ADGRA2: variants seen among roughly 807,000 people sequenced by gnomAD.
ADGRA2 encodes the protein adhesion G protein-coupled receptor A2.
ADGRA2 carries 61 observed loss-of-function variants against 98.7 expected under a neutral mutation model. That is an observed-to-expected ratio of 0.62 (90% CI 0.50 to 0.76). The LOEUF (loss-of-function observed/expected upper bound fraction) is 0.76. Ranked by LOEUF, ADGRA2 falls within the 30% of genes least tolerant of loss-of-function variation. The pLI, the probability that ADGRA2 is intolerant of heterozygous loss-of-function variation, is 0.00. For missense variants in ADGRA2, 1,712 were observed against 1,860.0 expected (o/e 0.92, Z 1.46); for synonymous variants, 858 against 831.5 (o/e 1.03, Z -0.55).
At chr8:37,809,790 A>G (rs544144646) in intron 1 of ADGRA2, among the ~76,000 whole-genome samples, 1 of 152,186 alleles carries the variant, frequency 6.6e-6, no homozygotes, top group Non-Finnish European at 1.5e-5. Context: ...CAGCACACAC[A>G]GAGGCTGCCT....
At chr8:37,801,302 C>T (rs1239191365) in intron 1 of ADGRA2, among the ~76,000 whole-genome samples, 5 of 152,208 alleles carry the variant, frequency 3.3e-5, no homozygotes, top group Non-Finnish European at 7.3e-5. Flanking sequence ...CCCCACCCCC[C>T]AGGCTCCCAG....
chr8:37,840,386 G>C, intron 17 of ADGRA2, 120 bp downstream of exon 17: 1 of 1,092,832 alleles, frequency 9.2e-7, no homozygotes, highest in Non-Finnish European at 1.4e-6. Context: ...TCCAAAGACG[G>C]GGGAGGCTAG....
intron 4 of ADGRA2, 21 bp downstream of exon 4, chr8:37,829,353 TGGGGAGGGGA>T: frequency 6.2e-7 from 1 of 1,605,080 alleles, no homozygotes; most frequent in Non-Finnish European, 8.5e-7. Flanking sequence ...GGGTGAGAAG[TGGGGAGGGGA>T]GGAGAGGGAA....
At chr8:37,836,324 T>C (rs1805614590) in intron 13 of ADGRA2, among the ~76,000 whole-genome samples, 1 of 152,088 alleles carries the variant, frequency 6.6e-6, no homozygotes, top group Non-Finnish European at 1.5e-5. Flanking sequence ...GCAACATGGC[T>C]CCAGCTGTCA....
intron 1 of ADGRA2, among the ~76,000 whole-genome samples, chr8:37,804,126 C>CACACACACACACAT (rs1554522454): frequency 1.0e-4 from 15 of 150,126 alleles, no homozygotes; most frequent in East Asian, 6.0e-4. Context: ...CACACACACA[C>CACACACACACACAT]ACACACACAC....
chr8:37,799,289 C>T (rs750634959), intron 1 of ADGRA2, among the ~76,000 whole-genome samples: 9 of 151,780 alleles, frequency 5.9e-5, no homozygotes, highest in Non-Finnish European at 8.8e-5. Context: ...GCAGGAGAAT[C>T]GCTTGAACCC....
intron 1 of ADGRA2, among the ~76,000 whole-genome samples, chr8:37,799,578 A>G (rs1380888991): frequency 6.6e-6 from 1 of 152,094 alleles, no homozygotes; most frequent in Non-Finnish European, 1.5e-5. Context: ...TAGAATGATC[A>G]GGCCATGGTT....
chr8:37,837,532 C>T lies in ADGRA2; in HGVS notation c.2051-199C>T, dbSNP rs1023724853. Among the ~76,000 whole-genome samples the T allele has an allele frequency of 5.3e-5, 8 of 152,354 alleles. No individual in the cohort carries two copies. The East Asian group carries it at 9.6e-4, about 18-fold the overall frequency. On this transcript the variant is annotated intron_variant, in intron 13 of 18. Coordinates refer to ENST00000412232, the MANE Select transcript of ADGRA2 (RefSeq NM_032777.10). ...AGGGCTCACATTTTCCACCATCATC[C>T]GCACCCACCCCCTCCAGGGTCCCCC... is the stretch of plus-strand genomic sequence containing the variant.
intron 9 of ADGRA2, 70 bp downstream of exon 9, chr8:37,833,278 G>A (rs978475182): frequency 4.0e-5 from 50 of 1,246,874 alleles, no homozygotes; most frequent in African/African-American, 2.1e-4. Flanking sequence ...CCAACCTAAC[G>A]GGCAAGGGGA....
rs1028062770 is a variant in ADGRA2 at position 37,823,082 on chromosome 8, G to A, written c.339-5806G>A. On this transcript the variant is annotated intron_variant, in intron 2 of 18. Coordinates refer to ENST00000412232, the MANE Select transcript of ADGRA2 (RefSeq NM_032777.10). ...AATTTTTGTATTTTTAAGTAGTGACGGGGTTTCACCATGTTGGTCAGGCTG... is the reference window on the plus strand; with the variant it reads ...AATTTTTGTATTTTTAAGTAGTGACAGGGTTTCACCATGTTGGTCAGGCTG... Among the ~76,000 whole-genome samples, 5 of 151,718 alleles carry A rather than the reference G, an allele frequency of 3.3e-5. No homozygotes were observed. The East Asian group carries it at 5.8e-4, about 18-fold the overall frequency.
intron 2 of ADGRA2, among the ~76,000 whole-genome samples, chr8:37,815,537 C>T (rs942186040): frequency 6.6e-6 from 1 of 152,212 alleles, no homozygotes; most frequent in Non-Finnish European, 1.5e-5. Flanking sequence ...TCCCCGCTAG[C>T]CGGCTGGAAC....
At chr8:37,821,008 A>T (rs1805110806) in intron 2 of ADGRA2, among the ~76,000 whole-genome samples, 1 of 152,072 alleles carries the variant, frequency 6.6e-6, no homozygotes, top group African/African-American at 2.4e-5. Flanking sequence ...CCCTGCAGAA[A>T]CACCTCCTGG....
rs774956859 is a variant in ADGRA2 at position 37,834,113 on chromosome 8, C to T, written c.1593C>T (p.Ala531=). The T allele has an allele frequency of 2.5e-6, 4 of 1,611,488 alleles. No homozygotes were observed. In the South Asian group the frequency reaches 4.4e-5, roughly 18 times the overall value. ...RIGGAALSPH[A]QHISVNARNV... Reference sequence around the variant, plus strand: ...GGGGGGCCGCCCTCAGCCCCCATGCCCAGCACATCTCAGTGGTAATGGGGG... The same window carrying T: ...GGGGGGCCGCCCTCAGCCCCCATGCTCAGCACATCTCAGTGGTAATGGGGG... The change falls in exon 11 of 19, where the codon GCC becomes GCT. Residue 531 remains alanine, a synonymous_variant. Transcript: ENST00000412232. This position sits in a 1 kb window ranked among gnomAD's most constrained non-coding sequence, Gnocchi z 4.2.
chr8:37,841,922 C>G lies in ADGRA2; in HGVS notation c.3584C>G (p.Ala1195Gly). Reference protein sequence around the residue: ...SRAKGHRAGEACGKNRLKALR... With the variant: ...SRAKGHRAGEGCGKNRLKALR... Reference sequence around the variant, plus strand: ...GCCAAGGGACACCGCGCGGGGGAGGCCTGCGGCAAGAACCGGCTCAAGGCC... The same window carrying G: ...GCCAAGGGACACCGCGCGGGGGAGGGCTGCGGCAAGAACCGGCTCAAGGCC... The change falls in exon 19 of 19, where the codon GCC (alanine) becomes GGC (glycine). Residue 1195 changes from alanine (A) to glycine (G), a missense_variant. Transcript: ENST00000412232. The surrounding 1 kb of genome is among the most constrained non-coding windows in gnomAD (Gnocchi z 5.0). The G allele has an allele frequency of 3.3e-6, 5 of 1,524,176 alleles. No homozygotes were observed. The highest frequency in any genetic ancestry group is 4.4e-6 in the Non-Finnish European group (5 of 1,143,016). 94.4% of individuals were successfully genotyped at this position (1,524,176 alleles called of 1,614,324 possible). A position where few individuals can be genotyped will look rare whatever the true frequency, so the allele number is the denominator to read the frequency against.
At position 37,841,151 on chromosome 8, in the gene ADGRA2, TCAC is replaced by T; in HGVS notation, c.2815_2817del (p.Thr939del). 1 of 1,612,432 alleles carries T rather than the reference TCAC, an allele frequency of 6.2e-7. No individual in the cohort carries two copies. Among genetic ancestry groups the T allele is most frequent in the Non-Finnish European group, 8.5e-7 (1 of 1,179,858 alleles). Reference sequence around the variant, plus strand: ...ATCCCTGTGGCTTTGATTCTGCTCATCACCTGGATCTATTTCCTGTGCGCCGGG... The same window carrying T: ...ATCCCTGTGGCTTTGATTCTGCTCATCTGGATCTATTTCCTGTGCGCCGGG... On this transcript the variant is annotated inframe_deletion, in exon 19 of 19. Coordinates refer to ENST00000412232, the MANE Select transcript of ADGRA2 (RefSeq NM_032777.10). This position sits in a 1 kb window ranked among gnomAD's most constrained non-coding sequence, Gnocchi z 5.0.
intron 1 of ADGRA2, among the ~76,000 whole-genome samples, chr8:37,811,120 A>C (rs1378257905): frequency 8.0e-5 from 5 of 62,738 alleles, no homozygotes; most frequent in African/African-American, 4.3e-4. Context: ...TCTCAAAAAC[A>C]AAAAAAAAAA....
intron 1 of ADGRA2, among the ~76,000 whole-genome samples, chr8:37,809,946 T>G (rs1804778433): frequency 6.6e-6 from 1 of 152,118 alleles, no homozygotes; most frequent in Non-Finnish European, 1.5e-5. Context: ...CTTGCCCTCC[T>G]CTGGGGTAGG....
intron 17 of ADGRA2, 47 bp downstream of exon 17, chr8:37,840,313 G>A (rs762178712): frequency 1.1e-5 from 17 of 1,595,248 alleles, no homozygotes; most frequent in African/African-American, 2.7e-5. Context: ...GGACTCCAAC[G>A]CAGGCGTAGG....
intron 10 of ADGRA2, 54 bp from the exon 11 acceptor site, chr8:37,833,913 G>C: frequency 6.2e-7 from 1 of 1,605,286 alleles, no homozygotes; most frequent in Non-Finnish European, 8.5e-7. Context: ...TCTCACTCCA[G>C]CTCCTGGGTC....
Sources: allele counts gnomAD v4.1 joint callset (sites outside exome capture counted in the v4.1 genomes callset), GRCh38; gene constraint gnomAD v4.1.1; non-coding constraint Gnocchi (gnomAD v3.1); transcripts MANE v1.5; gene names NCBI Gene and HGNC (gene_info 2026-07-23, HGNC 2026-07-21).